Variants in PPM1H observed in about 807,000 individuals in gnomAD.
PPM1H encodes the protein protein phosphatase 1H.
PPM1H carries 27 observed loss-of-function variants against 54.9 expected under a neutral mutation model. The observed-to-expected ratio is 0.49, with a 90% confidence interval of 0.36 to 0.68. PPM1H has a LOEUF of 0.68. Among genes scored for constraint, PPM1H ranks in the 30% least tolerant of loss-of-function variants. The probability of loss-of-function intolerance (pLI) is 0.00; values close to 1 mark genes in which losing one functional copy is unlikely to be tolerated. For missense variants in PPM1H, 596 were observed against 667.8 expected (o/e 0.89, Z 1.19); for synonymous variants, 305 against 270.8 (o/e 1.13, Z -1.24).
At chr12:62,827,389 G>A (rs1202902582) in intron 2 of PPM1H, among the ~76,000 whole-genome samples, 1 of 152,020 alleles carries the variant, frequency 6.6e-6, no homozygotes, top group African/African-American at 2.4e-5. Context: ...CTTATTTTAA[G>A]CCGTTATCAT....
intron 2 of PPM1H, among the ~76,000 whole-genome samples, chr12:62,817,759 A>G (rs891719733): frequency 6.6e-6 from 1 of 152,168 alleles, no homozygotes; most frequent in African/African-American, 2.4e-5. Flanking sequence ...CTCAGTTCGG[A>G]AAGTTGAAAT....
intron 1 of PPM1H, among the ~76,000 whole-genome samples, chr12:62,916,365 TAACAC>T (rs1871622623): frequency 6.6e-6 from 1 of 152,228 alleles, no homozygotes; most frequent in Admixed American, 6.5e-5. Context: ...TTTAATAACA[TAACAC>T]AATCTAAACA....
chr12:62,806,492 C>T (rs1373871190), intron 2 of PPM1H, among the ~76,000 whole-genome samples: 2 of 152,160 alleles, frequency 1.3e-5, no homozygotes, highest in South Asian at 2.1e-4. Context: ...GATTTGTGTC[C>T]TCTGCCAAAT....
At position 62,643,995 on chromosome 12, in the gene PPM1H, G is replaced by A. The variant is rs2075772400; in HGVS notation, c.*4494C>T. ...GACAGAAAAAAGTTTTGCTGAATAT[G>A]TCGTATATACATATATATAATATTT... On this transcript the variant is annotated 3_prime_UTR_variant, in exon 10 of 10. Transcript: ENST00000228705. The A allele has an allele frequency of 6.6e-6, 1 of 152,094 alleles. No homozygotes were observed. 9.4% of individuals were successfully genotyped at this position (152,094 alleles called of 1,614,324 possible).
Position 62,873,900 on chromosome 12 carries a change from A to C in PPM1H, c.246-41621T>G, listed in dbSNP as rs1870074362. Among the ~76,000 whole-genome samples, 3 of 152,208 alleles carry C rather than the reference A, an allele frequency of 2.0e-5. No individual in the cohort carries two copies. The South Asian group carries it at 6.2e-4, about 31-fold the overall frequency. On this transcript the variant is annotated intron_variant, in intron 1 of 9. Transcript: ENST00000228705. ...GCCCTAACTTAGATGAGAACGTTAG[A>C]TAGAACTTCTCTGAGGAGGTTACAT...
chr12:62,775,529 C>T (rs914251864), intron 4 of PPM1H, among the ~76,000 whole-genome samples: 2 of 152,356 alleles, frequency 1.3e-5, no homozygotes, highest in African/African-American at 4.8e-5. Flanking sequence ...ATAGATCCAA[C>T]TGTTTATGAA....
chr12:62,724,711 A>G (rs978183270), intron 5 of PPM1H, among the ~76,000 whole-genome samples: 1 of 152,176 alleles, frequency 6.6e-6, no homozygotes, highest in African/African-American at 2.4e-5. Context: ...TCATTTTATT[A>G]CTTCCAGGAA....
Position 62,646,745 on chromosome 12 carries a change from C to G in PPM1H, c.*1744G>C, listed in dbSNP as rs1056661328. ...GGTGGCGTGAATTCCCACAGTATTT[C>G]ACCTGCCAGACGGCACTGTCTCCAC... is the stretch of plus-strand genomic sequence containing the variant. On this transcript the variant is annotated 3_prime_UTR_variant, in exon 10 of 10. Coordinates refer to ENST00000228705, the MANE Select transcript of PPM1H (RefSeq NM_020700.2). 20 of 152,280 alleles carry G rather than the reference C, an allele frequency of 1.3e-4. No individual in the cohort carries two copies. The highest frequency in any genetic ancestry group is 4.8e-4 in the African/African-American group (20 of 41,474). 9.4% of individuals were successfully genotyped at this position (152,280 alleles called of 1,614,324 possible).
chr12:62,832,227 C>T lies in PPM1H; in HGVS notation c.298G>A (p.Val100Met). The change falls in exon 2 of 10, where the codon GTG becomes ATG. Residue 100 changes from valine (V) to methionine (M), a missense_variant. Coordinates refer to ENST00000228705, the MANE Select transcript of PPM1H (RefSeq NM_020700.2). ...CCTGCCTTCTTCTTCACAGTGAGCA[C>T]CTCACAGCTGGCTTGGTCTTCATTG... The part of the protein sequence containing the change: ...THNEDQASCE[V>M]LTVKKKAGAV... 1.2e-6 allele frequency: 2 copies of T among 1,613,610 alleles called. No homozygotes were observed. The highest frequency in any genetic ancestry group is 1.1e-5 in the South Asian group (1 of 90,964).
intron 1 of PPM1H, among the ~76,000 whole-genome samples, chr12:62,863,227 C>T (rs573637460): frequency 1.1e-4 from 17 of 152,052 alleles, no homozygotes; most frequent in Admixed American, 2.6e-4. Context: ...GGGGGTCTCA[C>T]CATGTTGCCA....
At chr12:62,757,151 C>T (rs1010784511) in intron 4 of PPM1H, among the ~76,000 whole-genome samples, 2 of 152,130 alleles carry the variant, frequency 1.3e-5, no homozygotes, top group Non-Finnish European at 2.9e-5. Flanking sequence ...GCTTTTATCC[C>T]CATACTCCCT....
At chr12:62,809,760 C>T (rs2076824125) in intron 2 of PPM1H, among the ~76,000 whole-genome samples, 1 of 152,232 alleles carries the variant, frequency 6.6e-6, no homozygotes. Flanking sequence ...CTTACAGACA[C>T]TGAATGATCT....
intron 9 of PPM1H, among the ~76,000 whole-genome samples, chr12:62,658,206 T>C (rs1452597211): frequency 2.2e-5 from 3 of 133,882 alleles, no homozygotes; most frequent in Non-Finnish European, 4.8e-5. Context: ...TTTTTTTTTT[T>C]TTTTTTAAGT....
In PPM1H at chr12:62,737,369, T is replaced by G. The variant is rs1036083970; in HGVS notation, c.954+133A>C. The G allele has an allele frequency of 3.1e-5, 16 of 516,094 alleles. No homozygotes were observed. The Admixed American group carries it at 3.1e-4, about 10-fold the overall frequency. The allele number at this position is 516,094 out of a possible 1,614,324, so 32.0% of individuals were successfully genotyped here. ...GGATGTGTGATCCAGAAGGTGTGTG[T>G]GGGGGAGTTAATACCATATGTCATT... On this transcript the variant is annotated intron_variant, in intron 5 of 9. Transcript: ENST00000228705.
At chr12:62,711,561 T>A (rs1367669677) in intron 6 of PPM1H, among the ~76,000 whole-genome samples, 5 of 152,154 alleles carry the variant, frequency 3.3e-5, no homozygotes, top group East Asian at 1.9e-4. Context: ...CCAGATGACT[T>A]GCAGCTATGT....
At chr12:62,917,862 T>A (rs17098568) in intron 1 of PPM1H, among the ~76,000 whole-genome samples, 13,949 of 152,162 alleles carry the variant, frequency 0.092, 839 homozygotes, top group African/African-American at 0.16. Context: ...CCATACTTGG[T>A]TTTTCGTGCT....
chr12:62,666,306 G>A (rs2075917384), intron 9 of PPM1H, among the ~76,000 whole-genome samples: 1 of 152,082 alleles, frequency 6.6e-6, no homozygotes, highest in African/African-American at 2.4e-5. Flanking sequence ...CAATTCTGAT[G>A]CCTCTGTTAT....
chr12:62,907,471 G>A lies in PPM1H; in HGVS notation c.245+27021C>T, dbSNP rs192739324. ...GCAGGCTCTTCCACTGTCCCATGCTGCCTTTGGGTTCTCTGCCCCACTCTT... is the reference window on the plus strand; with the variant it reads ...GCAGGCTCTTCCACTGTCCCATGCTACCTTTGGGTTCTCTGCCCCACTCTT... On this transcript the variant is annotated intron_variant, in intron 1 of 9. Coordinates refer to ENST00000228705, the MANE Select transcript of PPM1H (RefSeq NM_020700.2). Among the ~76,000 whole-genome samples, 94 of 152,262 alleles carry A rather than the reference G, an allele frequency of 6.2e-4. 1 individual carries two copies. The highest frequency in any genetic ancestry group is 3.2e-4 in the Non-Finnish European group (22 of 68,022).
chr12:62,901,081 C>T (rs770796242), intron 1 of PPM1H, among the ~76,000 whole-genome samples: 98 of 152,144 alleles, frequency 6.4e-4, no homozygotes, highest in Non-Finnish European at 1.2e-3. Context: ...TCCATGTAGC[C>T]GGATACATTT....
Sources: allele counts gnomAD v4.1 joint callset (sites outside exome capture counted in the v4.1 genomes callset), GRCh38; gene constraint gnomAD v4.1.1; transcripts MANE v1.5; gene names NCBI Gene and HGNC (gene_info 2026-07-23, HGNC 2026-07-21).